The following RANBP2 variants were observed in gnomAD, a reference collection of about 807,000 sequenced individuals.
The protein encoded by RANBP2 is RAN binding protein 2.
In RANBP2, 57 loss-of-function variants were observed where a neutral mutation model predicts 303.6. That is an observed-to-expected ratio of 0.19 (90% CI 0.15 to 0.23). The LOEUF is 0.23. Ranked by LOEUF, RANBP2 falls within the 10% of genes least tolerant of loss-of-function variation. The probability of loss-of-function intolerance (pLI) is 1.00; values close to 1 mark genes in which losing one functional copy is unlikely to be tolerated. For synonymous variants in RANBP2, 1,167 were observed against 1,301.5 expected (o/e 0.90, Z 2.23); for missense variants, 3,138 against 3,780.8 (o/e 0.83, Z 4.46).
chr2:109,235,598 T>G, the RANBP2 span, among the ~76,000 whole-genome samples: 1 of 152,356 alleles, frequency 6.6e-6, no homozygotes, highest in African/African-American at 2.4e-5. Flanking sequence ...TGCCATGGCA[T>G]GGGCCTCGAA....
the RANBP2 span, chr2:109,614,772 C>A: frequency 2.0e-6 from 3 of 1,479,050 alleles, no homozygotes; most frequent in Non-Finnish European, 2.7e-6. Flanking sequence ...CGGGGACCCG[C>A]CGCGAATCCA....
chr2:109,760,394 G>GGGCGGGGGCGGCGGC, the RANBP2 span: 3 of 536,054 alleles, frequency 5.6e-6, no homozygotes, highest in African/African-American at 8.0e-5. Flanking sequence ...GGGCCAGGCG[G>GGGCGGGGGCGGCGGC]GGCGGGGGCG....
At chr2:108,958,255 T>C in the RANBP2 span, among the ~76,000 whole-genome samples, 1 of 152,156 alleles carries the variant, frequency 6.6e-6, no homozygotes, top group South Asian at 2.1e-4. Context: ...CACCTTTCCT[T>C]AAGCTCACTG....
At chr2:109,689,996 C>A in the RANBP2 span, among the ~76,000 whole-genome samples, 1 of 152,078 alleles carries the variant, frequency 6.6e-6, no homozygotes, top group Non-Finnish European at 1.5e-5. Flanking sequence ...GGGGTATGCA[C>A]GTACGGCACA....
At chr2:109,365,587 CCT>C in the RANBP2 span, among the ~76,000 whole-genome samples, 2 of 152,162 alleles carry the variant, frequency 1.3e-5, no homozygotes, top group Non-Finnish European at 2.9e-5. Flanking sequence ...CGGACACCCC[CCT>C]GTTAGCTATT....
the RANBP2 span, among the ~76,000 whole-genome samples, chr2:109,527,738 A>G: frequency 3.9e-5 from 6 of 152,230 alleles, no homozygotes; most frequent in Admixed American, 3.9e-4. Context: ...ATTTCAAAAT[A>G]AAAGATTTTT....
chr2:109,156,346 C>T, the RANBP2 span, among the ~76,000 whole-genome samples: 1 of 152,322 alleles, frequency 6.6e-6, no homozygotes, highest in African/African-American at 2.4e-5. Context: ...GCTTTCTCTC[C>T]TAGATGGTGA....
the RANBP2 span, chr2:109,544,410 G>A: frequency 6.7e-7 from 1 of 1,482,462 alleles, no homozygotes; most frequent in Non-Finnish European, 8.9e-7. Flanking sequence ...TATATTATAG[G>A]ATATCTGGCC....
At chr2:109,732,816 G>T in the RANBP2 span, 1 of 1,250,322 alleles carries the variant, frequency 8.0e-7, no homozygotes. Context: ...TGAAGTGTGT[G>T]GGTTGCTAGA....
chr2:109,157,279 C>CA, the RANBP2 span, among the ~76,000 whole-genome samples: 1 of 152,206 alleles, frequency 6.6e-6, no homozygotes, highest in African/African-American at 2.4e-5. Context: ...AGAGAGCCCG[C>CA]ATTCCTGTCT....
the RANBP2 span, chr2:108,857,105 AG>A: frequency 2.5e-6 from 1 of 403,890 alleles, no homozygotes. Flanking sequence ...TTTGAGATGG[AG>A]TCTCGCTTTG....
the RANBP2 span, among the ~76,000 whole-genome samples, chr2:109,487,732 T>C: frequency 3.9e-5 from 6 of 152,064 alleles, no homozygotes; most frequent in Non-Finnish European, 8.8e-5. Context: ...CAAGGTGCCC[T>C]GGGAGCAAGA....
chr2:108,764,664 C>G lies in RANBP2; in HGVS notation c.4125C>G (p.Cys1375Trp). 1 of 1,613,902 alleles carries G rather than the reference C, an allele frequency of 6.2e-7. No individual in the cohort carries two copies. The highest frequency in any genetic ancestry group is 8.5e-7 in the Non-Finnish European group (1 of 1,179,934). ...NASTAKKCVS[C>W]QNLNPSNKEL... Reference sequence around the variant, plus strand: ...CAACTGCTAAGAAATGTGTATCATGCCAAAATCTAAACCCAAGCAATAAAG... The same window carrying G: ...CAACTGCTAAGAAATGTGTATCATGGCAAAATCTAAACCCAAGCAATAAAG... The change falls in exon 20 of 29, where the codon TGC becomes TGG. Residue 1375 changes from cysteine (C) to tryptophan (W), a missense_variant. Around this residue, in one of 20 missense-constraint regions of RANBP2, gnomAD observed 388 missense variants for 328.5 expected, o/e 1.18. Transcript: ENST00000283195.
chr2:109,681,273 C>T, the RANBP2 span, among the ~76,000 whole-genome samples: 6 of 152,272 alleles, frequency 3.9e-5, no homozygotes, highest in Middle Eastern at 3.4e-3. Flanking sequence ...TCAGAAGGGG[C>T]GCTCGAGACT....
the RANBP2 span, chr2:108,812,728 C>G: frequency 1.2e-6 from 2 of 1,605,152 alleles, no homozygotes; most frequent in Non-Finnish European, 1.7e-6. Context: ...CTGTTCTTCT[C>G]TACAGACAGA....
the RANBP2 span, among the ~76,000 whole-genome samples, chr2:108,818,275 C>G: frequency 6.6e-6 from 1 of 152,050 alleles, no homozygotes; most frequent in Non-Finnish European, 1.5e-5. Context: ...CCACTGTACT[C>G]CAGCCTGGGC....
chr2:109,195,461 ACC>A, the RANBP2 span, among the ~76,000 whole-genome samples: 1 of 152,070 alleles, frequency 6.6e-6, no homozygotes, highest in Non-Finnish European at 1.5e-5. Flanking sequence ...GAGTGTCCCC[ACC>A]CCTTCTTGGC....
At chr2:109,173,689 A>G in the RANBP2 span, among the ~76,000 whole-genome samples, 3 of 152,148 alleles carry the variant, frequency 2.0e-5, no homozygotes, top group Admixed American at 2.0e-4. Context: ...CGGCAAAGAC[A>G]GTGAATGTAA....
At chr2:109,615,718 G>C in the RANBP2 span, 1 of 1,613,866 alleles carries the variant, frequency 6.2e-7, no homozygotes, top group Admixed American at 1.7e-5. Flanking sequence ...GGTAGCGGCG[G>C]CGGGCGCTGG....
Sources: gnomAD v4.1 joint callset for allele counts (sites outside exome capture counted in the v4.1 genomes callset) on GRCh38, gnomAD v4.1.1 for gene constraint, gnomAD v4.1.1 regional missense constraint, MANE v1.5 for transcripts, NCBI Gene and HGNC (gene_info 2026-07-23, HGNC 2026-07-21) for gene names.